Variants in FMN1 observed in about 807,000 individuals in gnomAD.
FMN1 encodes formin-1.
Under a neutral mutation model 132.4 loss-of-function variants are expected in FMN1, and 110 were observed. The observed-to-expected ratio is 0.83, with a 90% CI of 0.71 to 0.97. The LOEUF (loss-of-function observed/expected upper bound fraction) is 0.97, where lower values mean the gene tolerates loss of function less well. Ranked by LOEUF, FMN1 falls within the 50% of genes least tolerant of loss-of-function variation. The probability of loss-of-function intolerance (pLI) is 0.00; values close to 1 mark genes in which losing one functional copy is unlikely to be tolerated. For missense variants in FMN1, 1,792 were observed against 1,705.3 expected, an observed-to-expected ratio of 1.05 and a Z score of -0.90; for synonymous variants, 722 against 651.7, an observed-to-expected ratio of 1.11 and a Z score of -1.64.
chr15:33,071,709 T>TG (rs113219414), intron 5 of FMN1, among the ~76,000 whole-genome samples: 3,188 of 152,308 alleles, frequency 0.021, 108 homozygotes, highest in African/African-American at 0.074. Context: ...AGAGATCTTT[T>TG]AACACGGACT....
At chr15:33,072,303 A>C (rs1321141512) in intron 5 of FMN1, among the ~76,000 whole-genome samples, 3 of 152,172 alleles carry the variant, frequency 2.0e-5, no homozygotes, top group Non-Finnish European at 4.4e-5. Context: ...TGAAGGGTTG[A>C]CTTTTCAACT....
rs1426719199 is a variant in FMN1 at position 32,770,585 on chromosome 15, A to C, written c.*3725T>G. 1.3e-5 allele frequency: 2 copies of C among 152,192 alleles called. No individual in the cohort carries two copies. The highest frequency in any genetic ancestry group is 2.9e-5 in the Non-Finnish European group (2 of 68,006). 9.4% of individuals were successfully genotyped at this position (152,192 alleles called of 1,614,324 possible). ...TTCCTTCAGTTTTTCCAGTTTCTTT[A>C]CCAGCAGTATCTGAACTTTTCATTT... On this transcript the variant is annotated 3_prime_UTR_variant, in exon 21 of 21. Coordinates refer to ENST00000616417, the MANE Select transcript of FMN1 (RefSeq NM_001277313.2).
At chr15:33,056,422 A>C (rs938891647) in intron 6 of FMN1, among the ~76,000 whole-genome samples, 1 of 152,212 alleles carries the variant, frequency 6.6e-6, no homozygotes, top group South Asian at 2.1e-4. Context: ...AAAAAGGAAA[A>C]TGACATACAG....
At chr15:32,988,049 G>GTTTTTTTTTTTTTTTTT (rs10573409) in intron 7 of FMN1, among the ~76,000 whole-genome samples, 13 of 118,164 alleles carry the variant, frequency 1.1e-4, no homozygotes, top group Non-Finnish European at 2.1e-4. Context: ...TGTCTCTCCA[G>GTTTTTTTTTTTTTTTTT]TTTTTTTTTT....
At chr15:32,964,467 CA>C (rs1346945423) in intron 8 of FMN1, among the ~76,000 whole-genome samples, 5 of 152,028 alleles carry the variant, frequency 3.3e-5, no homozygotes, top group African/African-American at 1.2e-4. Context: ...GACGTATTTC[CA>C]AAAAAGTAAT....
chr15:33,161,767 T>C (rs1482872322), intron 3 of FMN1, among the ~76,000 whole-genome samples: 1 of 151,522 alleles, frequency 6.6e-6, no homozygotes, highest in African/African-American at 2.4e-5. Flanking sequence ...AAATACAAAA[T>C]ATTAGCCAGG....
At chr15:32,857,155 G>T in intron 16 of FMN1, 48 bp from the exon 17 acceptor site, 1 of 1,446,388 alleles carries the variant, frequency 6.9e-7, no homozygotes, top group Non-Finnish European at 9.7e-7. Flanking sequence ...GATTTGCTGA[G>T]CTCCTGCTAT....
intron 12 of FMN1, among the ~76,000 whole-genome samples, chr15:32,903,576 C>T (rs2060347847): frequency 6.6e-6 from 1 of 152,184 alleles, no homozygotes; most frequent in Admixed American, 6.5e-5. Flanking sequence ...GACCCAAGTT[C>T]CCAGAGCATG....
intron 4 of FMN1, among the ~76,000 whole-genome samples, chr15:33,116,882 G>T (rs1056433794): frequency 6.6e-6 from 1 of 152,102 alleles, no homozygotes; most frequent in Non-Finnish European, 1.5e-5. Flanking sequence ...TCGAAAGTTT[G>T]TTGAGGATTA....
chr15:33,025,847 T>C (rs2035639908), intron 6 of FMN1, among the ~76,000 whole-genome samples: 1 of 152,128 alleles, frequency 6.6e-6, no homozygotes, highest in South Asian at 2.1e-4. Context: ...AGAATATCTT[T>C]CAAGAACTTT....
At chr15:32,867,501 C>T (rs2059417942) in intron 16 of FMN1, among the ~76,000 whole-genome samples, 1 of 150,606 alleles carries the variant, frequency 6.6e-6, no homozygotes, top group African/African-American at 2.4e-5. Flanking sequence ...GCTCAGAAGT[C>T]TCATCAGGTT....
At chr15:33,051,697 G>A (rs921245254) in intron 6 of FMN1, among the ~76,000 whole-genome samples, 13 of 152,144 alleles carry the variant, frequency 8.5e-5, no homozygotes, top group African/African-American at 3.1e-4. Context: ...ACTGGTTAGG[G>A]AAAAATGCCT....
intron 7 of FMN1, among the ~76,000 whole-genome samples, chr15:33,005,213 A>G (rs1359698353): frequency 6.6e-6 from 1 of 151,788 alleles, no homozygotes; most frequent in Non-Finnish European, 1.5e-5. Flanking sequence ...AAAAAAAACT[A>G]CAGCTAAGTG....
chr15:32,865,309 A>G (rs1051355501), intron 16 of FMN1, among the ~76,000 whole-genome samples: 1 of 152,260 alleles, frequency 6.6e-6, no homozygotes, highest in East Asian at 1.9e-4. Context: ...CTAATTAGAA[A>G]GTCAGCCTTA....
At chr15:32,827,117 G>A (rs753037242) in intron 17 of FMN1, among the ~76,000 whole-genome samples, 1 of 152,136 alleles carries the variant, frequency 6.6e-6, no homozygotes, top group Non-Finnish European at 1.5e-5. Context: ...TTATTTCCAA[G>A]GTTCACTTTA....
intron 5 of FMN1, among the ~76,000 whole-genome samples, chr15:33,086,554 A>T (rs1191734922): frequency 6.6e-6 from 1 of 151,732 alleles, no homozygotes; most frequent in Admixed American, 6.6e-5. Context: ...AGCCAATTTT[A>T]AAAAACACAT....
At chr15:32,788,610 C>T (rs1331451794) in intron 19 of FMN1, among the ~76,000 whole-genome samples, 1 of 152,182 alleles carries the variant, frequency 6.6e-6, no homozygotes, top group East Asian at 1.9e-4. Context: ...CCCCCTGTTG[C>T]ATCTCTGCCC....
At chr15:33,111,427 CA>C (rs960361059) in intron 4 of FMN1, among the ~76,000 whole-genome samples, 2 of 152,032 alleles carry the variant, frequency 1.3e-5, no homozygotes, top group Non-Finnish European at 2.9e-5. Flanking sequence ...GGCATTTCCT[CA>C]AAAGGTTAAA....
chr15:32,909,936 G>A (rs1459841102), intron 11 of FMN1, among the ~76,000 whole-genome samples: 1 of 152,004 alleles, frequency 6.6e-6, no homozygotes, highest in Middle Eastern at 3.4e-3. Context: ...GATCACAACG[G>A]GATTAAGAAG....
Sources: gnomAD v4.1 joint callset for allele counts (sites outside exome capture counted in the v4.1 genomes callset) on GRCh38, gnomAD v4.1.1 for gene constraint, MANE v1.5 for transcripts, NCBI Gene and HGNC (gene_info 2026-07-23, HGNC 2026-07-21) for gene names.